DNASE1: variants seen among roughly 807,000 people sequenced by gnomAD.
DNASE1 encodes deoxyribonuclease 1, also known as deoxyribonuclease-1.
In DNASE1, 40 loss-of-function variants were observed where a neutral mutation model predicts 33.9. The ratio of observed to expected loss-of-function variants is 1.18; its 90% confidence interval spans 0.92 to 1.54. The LOEUF (loss-of-function observed/expected upper bound fraction) is 1.54, where lower values mean the gene tolerates loss of function less well. Among genes scored for constraint, DNASE1 ranks in the 40% most tolerant of loss-of-function variants. DNASE1 has a pLI of 0.00. For missense variants in DNASE1, 518 were observed against 372.6 expected (o/e 1.39, Z -3.21); for synonymous variants, 216 against 160.0 (o/e 1.35, Z -2.64).
intron 1 of DNASE1, among the ~76,000 whole-genome samples, chr16:3,631,386 G>A (rs1567192767): frequency 1.3e-5 from 2 of 152,076 alleles, no homozygotes; most frequent in South Asian, 2.1e-4. Context: ...TGTATTTTTA[G>A]TAGAGAAAGG....
downstream of DNASE1, chr16:3,661,998 C>G: frequency 6.2e-7 from 1 of 1,607,688 alleles, no homozygotes. Context: ...TGGGGTTGAT[C>G]TCCAGCGTGG....
At chr16:3,615,152 C>T (rs939996351) in intron 1 of DNASE1, among the ~76,000 whole-genome samples, 2 of 152,058 alleles carry the variant, frequency 1.3e-5, no homozygotes, top group Non-Finnish European at 2.9e-5. Context: ...GAAAGTTTCA[C>T]AGATGATTCT....
chr16:3,632,326 A>G (rs1458185455), intron 1 of DNASE1, among the ~76,000 whole-genome samples: 1 of 152,236 alleles, frequency 6.6e-6, no homozygotes, highest in Non-Finnish European at 1.5e-5. Flanking sequence ...GTTTCCAACT[A>G]TAATAGTGAA....
intron 1 of DNASE1, among the ~76,000 whole-genome samples, chr16:3,645,651 G>A (rs931350852): frequency 1.3e-5 from 2 of 152,222 alleles, no homozygotes; most frequent in South Asian, 2.1e-4. Flanking sequence ...GGCAGAAGGC[G>A]AGTGCTGACA....
chr16:3,628,644 C>T (rs1443850525), intron 1 of DNASE1, among the ~76,000 whole-genome samples: 1 of 151,240 alleles, frequency 6.6e-6, no homozygotes, highest in Non-Finnish European at 1.5e-5. Context: ...TGCAAACCTC[C>T]GCCTCCCGGG....
At chr16:3,658,176 C>CCATGGCCCTAGGGTCGTCAA, downstream of DNASE1, 2 of 1,614,114 alleles carry the variant, frequency 1.2e-6, no homozygotes, top group Non-Finnish European at 8.5e-7. Flanking sequence ...AAGCGGCCCA[C>CCATGGCCCTAGGGTCGTCAA]CATGGCCCTA....
chr16:3,650,596 GGTCA>G (rs752642178), upstream of DNASE1: 2 of 139,406 alleles, frequency 1.4e-5, no homozygotes, highest in African/African-American at 5.5e-5. Flanking sequence ...CAGATTATAT[GGTCA>G]TTCAAAAAAA....
upstream of DNASE1, chr16:3,654,352 C>T (rs17136470): frequency 2.0e-5 from 8 of 398,820 alleles, no homozygotes; most frequent in Admixed American, 8.8e-5. Context: ...CTGCTTGTTC[C>T]GAGCTCCCCA....
intron 1 of DNASE1, among the ~76,000 whole-genome samples, chr16:3,615,425 T>G (rs975195400): frequency 1.3e-5 from 2 of 152,130 alleles, no homozygotes; most frequent in African/African-American, 4.8e-5. Flanking sequence ...TTCATGCTGT[T>G]AGTTAGAAGT....
chr16:3,614,636 T>C (rs572432885), intron 1 of DNASE1, among the ~76,000 whole-genome samples: 46 of 152,192 alleles, frequency 3.0e-4, no homozygotes, highest in Non-Finnish European at 5.0e-4. Flanking sequence ...GCTTGGTGTG[T>C]GAGAGTTAGA....
chr16:3,615,097 A>C (rs1424992899), intron 1 of DNASE1, among the ~76,000 whole-genome samples: 1 of 152,098 alleles, frequency 6.6e-6, no homozygotes, highest in Non-Finnish European at 1.5e-5. Context: ...AGGCTGGGAC[A>C]CTACTCTTAG....
chr16:3,636,744 C>T (rs772242218), intron 1 of DNASE1, among the ~76,000 whole-genome samples: 9 of 151,536 alleles, frequency 5.9e-5, no homozygotes, highest in South Asian at 4.2e-4. Flanking sequence ...TGCTTGAACC[C>T]GGGAGGTGCA....
At chr16:3,623,559 A>C (rs189714823) in intron 1 of DNASE1, among the ~76,000 whole-genome samples, 1 of 152,326 alleles carries the variant, frequency 6.6e-6, no homozygotes, top group East Asian at 1.9e-4. Flanking sequence ...AATGGGAGAA[A>C]ATATTTGCAA....
In DNASE1 at chr16:3,657,712, C is replaced by T; in HGVS notation, c.705-8C>T. 2 of 1,613,960 alleles carry T rather than the reference C, an allele frequency of 1.2e-6. No individual in the cohort carries two copies. The highest frequency in any genetic ancestry group is 2.2e-5 in the East Asian group (1 of 44,874). On this transcript the variant is annotated splice_region_variant and splice_polypyrimidine_tract_variant and intron_variant, in intron 7 of 8. Transcript: ENST00000246949. ...GGGAACCTACTTTCTCTTCCCAACACCCATCAGGATCGTGGTTGCAGGGAT... is the reference window on the plus strand; with the variant it reads ...GGGAACCTACTTTCTCTTCCCAACATCCATCAGGATCGTGGTTGCAGGGAT...
downstream of DNASE1, chr16:3,662,380 G>A (rs555491930): frequency 8.5e-6 from 5 of 588,316 alleles, no homozygotes; most frequent in African/African-American, 3.7e-5. Context: ...TCCAGGAGCT[G>A]CCCGAATCCA....
At chr16:3,614,249 A>G (rs922670876) in intron 1 of DNASE1, among the ~76,000 whole-genome samples, 3 of 151,246 alleles carry the variant, frequency 2.0e-5, no homozygotes, top group African/African-American at 7.3e-5. Context: ...GGGTTTCACC[A>G]TGTTGGCCAG....
chr16:3,659,752 G>C (rs1029958487), downstream of DNASE1: 11 of 54,034 alleles, frequency 2.0e-4, no homozygotes, highest in African/African-American at 2.7e-3. Context: ...TTTTTTTTTA[G>C]ATAGATAGAT....
chr16:3,630,753 G>A (rs2041672124), intron 1 of DNASE1, among the ~76,000 whole-genome samples: 1 of 151,926 alleles, frequency 6.6e-6, no homozygotes, highest in African/African-American at 2.4e-5. Context: ...TGTAGTCCCA[G>A]TTACTTGGGA....
intron 3 of DNASE1, 63 bp downstream of exon 3, chr16:3,656,000 C>T: frequency 1.2e-6 from 2 of 1,612,438 alleles, no homozygotes; most frequent in Non-Finnish European, 1.7e-6. Flanking sequence ...CCTCACTTCA[C>T]TTGGGCCCCA....
Sources: gnomAD v4.1 joint callset for allele counts (sites outside exome capture counted in the v4.1 genomes callset) on GRCh38, gnomAD v4.1.1 for gene constraint, MANE v1.5 for transcripts, NCBI Gene and HGNC (gene_info 2026-07-23, HGNC 2026-07-21) for gene names.